Variants in LONP1 observed in about 807,000 individuals in gnomAD.
LONP1 encodes the protein lon protease homolog, mitochondrial.
A neutral mutation model predicts 98.5 loss-of-function variants in LONP1; 31 were observed. That is an observed-to-expected ratio of 0.31 (90% CI 0.24 to 0.42). The LOEUF (loss-of-function observed/expected upper bound fraction) is 0.42, where lower values mean the gene tolerates loss of function less well. LONP1 is among the 20% of genes least tolerant of loss of function. The pLI, the probability that LONP1 is intolerant of heterozygous loss-of-function variation, is 1.00. For missense variants in LONP1, 1,336 were observed against 1,350.6 expected (o/e 0.99, Z 0.17); for synonymous variants, 781 against 594.7 (o/e 1.31, Z -4.56).
In LONP1 at chr19:5,719,808, T is replaced by C. The variant is rs141593936; in HGVS notation, c.325A>G (p.Ile109Val). Reference sequence around the variant, plus strand: ...ATCGTCATGGGCGTGAGCGCCGTTATGACCGGGCCTTCCCCGGCGCCCGCG... The same window carrying C: ...ATCGTCATGGGCGTGAGCGCCGTTACGACCGGGCCTTCCCCGGCGCCCGCG... Reference protein sequence around the residue: ...GSAGAGEGPVITALTPMTIPD... With the variant: ...GSAGAGEGPVVTALTPMTIPD... Residue 109 changes from isoleucine to valine, a missense_variant, in exon 1 of 18, where the codon ATA becomes GTA. This residue lies in a region of LONP1 where 457 missense variants were observed against 403.1 expected (regional missense o/e 1.13). Coordinates refer to ENST00000360614, the MANE Select transcript of LONP1 (RefSeq NM_004793.4). 65 of 1,612,074 alleles carry C rather than the reference T, an allele frequency of 4.0e-5. No individual in the cohort carries two copies. In the African/African-American group the frequency reaches 6.0e-4, roughly 15 times the overall value.
Position 5,720,108 on chromosome 19 carries a change from G to T in LONP1, c.25C>A (p.Arg9=), listed in dbSNP as rs1203768141. The T allele has an allele frequency of 4.8e-6, 7 of 1,452,778 alleles. No individual in the cohort carries two copies. Among genetic ancestry groups the T allele is most frequent in the East Asian group, 2.7e-5 (1 of 36,626 alleles). 90.0% of individuals were successfully genotyped at this position (1,452,778 alleles called of 1,614,324 possible). A position where few individuals can be genotyped will look rare whatever the true frequency, so the allele number is the denominator to read the frequency against. Residue 9 remains arginine (R), a synonymous_variant, in exon 1 of 18, where the codon CGA becomes AGA. Transcript: ENST00000360614. MAASTGYV[R]LWGAARCWVL... Reference sequence around the variant, plus strand: ...CAGCACCGCGCCGCTCCCCACAGTCGCACGTAGCCAGTGCTCGCCGCCATA... The same window carrying T: ...CAGCACCGCGCCGCTCCCCACAGTCTCACGTAGCCAGTGCTCGCCGCCATA...
Position 5,694,432 on chromosome 19 carries a change from C to T in LONP1, c.2275G>A (p.Val759Met), listed in dbSNP as rs202064670. ...CCCATGACCACGCCGGGCGGTGTCA[C>T]GTCATACATGCGCTCCACGGTGAAC... ...PVFTVERMYD[V>M]TPPGVVMGLA... is the part of the protein sequence containing the mutation. The change falls in exon 15 of 18, where the codon GTG becomes ATG. Residue 759 changes from valine to methionine, a missense_variant. Coordinates refer to ENST00000360614, the MANE Select transcript of LONP1 (RefSeq NM_004793.4). 1.1e-5 allele frequency: 18 copies of T among 1,613,538 alleles called. No homozygotes were observed. Among genetic ancestry groups the T allele is most frequent in the South Asian group, 2.2e-5 (2 of 91,080 alleles).
Position 5,715,643 on chromosome 19 carries a change from TAAAAAAAAAAAAAAAAAAAAAA to T in LONP1, c.430-1394_430-1373del, listed in dbSNP as rs527565499. Among the ~76,000 whole-genome samples, 205 of 31,104 alleles carry T rather than the reference TAAAAAAAAAAAAAAAAAAAAAA, an allele frequency of 6.6e-3. 4 individuals are homozygous for T. The highest frequency in any genetic ancestry group is 0.024 in the African/African-American group (192 of 7,972). 20.4% of individuals were successfully genotyped at this position (31,104 alleles called of 152,430 possible). The stretch of plus-strand genomic sequence containing the variant: ...GGCGACAGAGTGAGACTCTGTCTCA[TAAAAAAAAAAAAAAAAAAAAAA>T]AAAAAAAAAAAAAAGAAAGTTTCAC... On this transcript the variant is annotated intron_variant, in intron 1 of 17. Coordinates refer to ENST00000360614, the MANE Select transcript of LONP1 (RefSeq NM_004793.4).
At chr19:5,695,651 C>T (rs890453889) in intron 13 of LONP1, among the ~76,000 whole-genome samples, 2 of 152,196 alleles carry the variant, frequency 1.3e-5, no homozygotes, top group Non-Finnish European at 2.9e-5. Flanking sequence ...GAAATATGGG[C>T]CCCTGCATGC....
chr19:5,694,439 C>A lies in LONP1; in HGVS notation c.2268G>T (p.Met756Ile), dbSNP rs751396671. ...CCACGCCGGGCGGTGTCACGTCATA[C>A]ATGCGCTCCACGGTGAACACGGGCT... ...VGKPVFTVERMYDVTPPGVVM... is the reference protein window; with the variant it reads ...VGKPVFTVERIYDVTPPGVVM... The change falls in exon 15 of 18, where the codon ATG (methionine) becomes ATT (isoleucine). Residue 756 changes from methionine to isoleucine, a missense_variant. Around this residue, in one of 5 missense-constraint regions of LONP1, gnomAD observed 555 missense variants for 542.6 expected, o/e 1.02. Transcript: ENST00000360614. The A allele has an allele frequency of 6.2e-7, 1 of 1,613,562 alleles. No homozygotes were observed. The highest frequency in any genetic ancestry group is 1.1e-5 in the South Asian group (1 of 91,082).
chr19:5,694,240 A>G (rs1451569972), intron 15 of LONP1, 147 bp downstream of exon 15: 2 of 1,019,828 alleles, frequency 2.0e-6, no homozygotes, highest in African/African-American at 3.2e-5. Context: ...CTCAGCCCAG[A>G]CCCCCTGGGC....
rs1387138346 is a variant in LONP1 at position 5,702,047 on chromosome 19, C to G, written c.1368-1120G>C. ...TCTGAGAAGTGAGGAGCGTCTCCGC[C>G]CAGCAGCCACCCCGTCCGGGAGGGA... On this transcript the variant is annotated intron_variant, in intron 8 of 17. Coordinates refer to ENST00000360614, the MANE Select transcript of LONP1 (RefSeq NM_004793.4). Among the ~76,000 whole-genome samples the G allele has an allele frequency of 2.0e-5, 3 of 151,504 alleles. No individual in the cohort carries two copies. In the South Asian group the frequency reaches 6.2e-4, roughly 31 times the overall value.
intron 4 of LONP1, 44 bp downstream of exon 4, chr19:5,711,727 T>TG: frequency 6.5e-7 from 1 of 1,531,208 alleles, no homozygotes; most frequent in African/African-American, 1.4e-5. Flanking sequence ...AGGGAGCCCG[T>TG]GGGGGAGGCA....
chr19:5,698,891 G>A, intron 10 of LONP1, 136 bp downstream of exon 10: 1 of 920,158 alleles, frequency 1.1e-6, no homozygotes, highest in Non-Finnish European at 1.5e-6. Flanking sequence ...GGACTTTTCA[G>A]TTACTCCAGC....
Position 5,691,922 on chromosome 19 carries a change from G to T in LONP1, c.*110C>A. 2.3e-6 allele frequency: 3 copies of T among 1,285,742 alleles called. No individual in the cohort carries two copies. Among genetic ancestry groups the T allele is most frequent in the Non-Finnish European group, 2.1e-6 (2 of 934,182 alleles). The allele number at this position is 1,285,742 out of a possible 1,614,324, so 79.6% of individuals were successfully genotyped here. A position where few individuals can be genotyped will look rare whatever the true frequency, so the allele number is the denominator to read the frequency against. ...TCCCTGGGATCTGGGTCACTGGACC[G>T]AGCTGCTCGCTCGGTGGCTCCACTG... On this transcript the variant is annotated 3_prime_UTR_variant, in exon 18 of 18. Transcript: ENST00000360614.
At chr19:5,696,461 C>A in intron 11 of LONP1, 90 bp from the exon 12 acceptor site, 2 of 1,526,392 alleles carry the variant, frequency 1.3e-6, no homozygotes, top group South Asian at 1.2e-5. Context: ...CTGGGGAGAC[C>A]CCGAGTGAGA....
At chr19:5,695,624 G>GA (rs879325550) in intron 13 of LONP1, among the ~76,000 whole-genome samples, 17 of 150,898 alleles carry the variant, frequency 1.1e-4, no homozygotes, top group African/African-American at 1.7e-4. Context: ...CACCTTTGCA[G>GA]AAAAAAAAAC....
At chr19:5,707,261 G>A (rs1027773145) in intron 6 of LONP1, 118 bp from the exon 7 acceptor site, 3 of 786,708 alleles carry the variant, frequency 3.8e-6, no homozygotes, top group Non-Finnish European at 6.4e-6. Context: ...TGGCCATGCT[G>A]TACCCAGCAC....
chr19:5,692,867 T>A (rs1205475534), intron 17 of LONP1, among the ~76,000 whole-genome samples: 1 of 152,094 alleles, frequency 6.6e-6, no homozygotes, highest in Non-Finnish European at 1.5e-5. Flanking sequence ...GCAAGTGTGG[T>A]CCAGTCTGGG....
intron 2 of LONP1, among the ~76,000 whole-genome samples, chr19:5,713,764 T>C (rs1368843054): frequency 6.6e-6 from 1 of 152,140 alleles, no homozygotes; most frequent in African/African-American, 2.4e-5. Context: ...GGTTTCATCA[T>C]GTCAGCCAGA....
intron 9 of LONP1, among the ~76,000 whole-genome samples, chr19:5,700,182 G>A (rs2145594801): frequency 6.6e-6 from 1 of 151,800 alleles, no homozygotes; most frequent in East Asian, 2.0e-4. Context: ...GGCACGATCT[G>A]GGCTCACTGC....
At chr19:5,711,607 G>C (rs944384748) in intron 4 of LONP1, among the ~76,000 whole-genome samples, 164 bp downstream of exon 4, 1 of 152,198 alleles carries the variant, frequency 6.6e-6, no homozygotes, top group Non-Finnish European at 1.5e-5. Flanking sequence ...ACCTCTGGGA[G>C]GAAAAGCACC....
At chr19:5,700,664 G>T (rs1430297170) in intron 9 of LONP1, 125 bp downstream of exon 9, 3 of 1,346,332 alleles carry the variant, frequency 2.2e-6, no homozygotes, top group Non-Finnish European at 3.0e-6. Flanking sequence ...GGATCCCCCC[G>T]ACCAGCACCC....
intron 4 of LONP1, among the ~76,000 whole-genome samples, chr19:5,711,245 C>T (rs2055232641): frequency 6.6e-6 from 1 of 152,208 alleles, no homozygotes; most frequent in African/African-American, 2.4e-5. Context: ...TGACACGCTT[C>T]AGGCCTTTGG....
Sources: gnomAD v4.1 joint callset for allele counts (sites outside exome capture counted in the v4.1 genomes callset) on GRCh38, gnomAD v4.1.1 for gene constraint, gnomAD v4.1.1 regional missense constraint, MANE v1.5 for transcripts, NCBI Gene and HGNC (gene_info 2026-07-23, HGNC 2026-07-21) for gene names.